Variants in SPAG16 observed in about 807,000 individuals in gnomAD.
SPAG16 encodes the protein sperm associated antigen 16, also known as sperm-associated antigen 16 protein.
In SPAG16, 86 loss-of-function variants were observed where a neutral mutation model predicts 80.4. The ratio of observed to expected loss-of-function variants is 1.07; its 90% confidence interval spans 0.90 to 1.28. The LOEUF (loss-of-function observed/expected upper bound fraction) is 1.28, where lower values mean the gene tolerates loss of function less well. Among genes scored for constraint, SPAG16 ranks in the 50% most tolerant of loss-of-function variants. The probability of loss-of-function intolerance (pLI) is 0.00; values close to 1 mark genes in which losing one functional copy is unlikely to be tolerated. For missense variants in SPAG16, 870 were observed against 765.3 expected, an observed-to-expected ratio of 1.14 and a Z score of -1.61; for synonymous variants, 294 against 265.9, an observed-to-expected ratio of 1.11 and a Z score of -1.03.
intron 5 of SPAG16, among the ~76,000 whole-genome samples, chr2:213,337,012 G>C (rs760094976): frequency 7.2e-5 from 11 of 152,176 alleles, no homozygotes; most frequent in Non-Finnish European, 1.0e-4. Flanking sequence ...AGCTTCCAGA[G>C]GAAGGAGCTG....
intron 13 of SPAG16, among the ~76,000 whole-genome samples, chr2:214,015,600 G>GGA (rs1553695583): frequency 6.9e-6 from 1 of 144,486 alleles, no homozygotes; most frequent in Non-Finnish European, 1.5e-5. Context: ...CTCCATCTCA[G>GGA]AAAAAAAAAA....
intron 15 of SPAG16, among the ~76,000 whole-genome samples, chr2:214,405,445 A>C (rs1313916700): frequency 6.6e-6 from 1 of 152,214 alleles, no homozygotes; most frequent in Non-Finnish European, 1.5e-5. Flanking sequence ...TTATGAAAGA[A>C]ATTCTAAAGC....
chr2:213,563,606 AC>A (rs2059664878), intron 10 of SPAG16, among the ~76,000 whole-genome samples: 2 of 152,106 alleles, frequency 1.3e-5, no homozygotes, highest in Admixed American at 1.3e-4. Flanking sequence ...TTGGTTCAGG[AC>A]CCCATCCTTA....
At chr2:213,437,527 TG>T (rs1438129393) in intron 9 of SPAG16, among the ~76,000 whole-genome samples, 4 of 152,234 alleles carry the variant, frequency 2.6e-5, no homozygotes, top group Admixed American at 1.3e-4. Flanking sequence ...GTAAGCTTTT[TG>T]TTCTCACTTA....
chr2:213,745,603 C>CT (rs1219178467), intron 10 of SPAG16, among the ~76,000 whole-genome samples: 1 of 152,106 alleles, frequency 6.6e-6, no homozygotes, highest in Non-Finnish European at 1.5e-5. Flanking sequence ...TATATTCATA[C>CT]TTTTAAGAAA....
chr2:213,486,703 G>A (rs2073992798), intron 9 of SPAG16, among the ~76,000 whole-genome samples: 1 of 151,774 alleles, frequency 6.6e-6, no homozygotes, highest in African/African-American at 2.4e-5. Context: ...TATGAAACTG[G>A]GATTCAGTAA....
At chr2:213,495,948 T>C (rs1174011855) in intron 10 of SPAG16, among the ~76,000 whole-genome samples, 1 of 152,196 alleles carries the variant, frequency 6.6e-6, no homozygotes, top group Non-Finnish European at 1.5e-5. Context: ...TCAAAGAGCC[T>C]GTGACTTAGG....
chr2:213,658,123 G>A (rs1412957198), intron 10 of SPAG16, among the ~76,000 whole-genome samples: 3 of 152,066 alleles, frequency 2.0e-5, no homozygotes, highest in Admixed American at 1.3e-4. Flanking sequence ...GAATAAAAAG[G>A]CCTCAAAACA....
chr2:214,029,766 A>G (rs2048319725), intron 13 of SPAG16, among the ~76,000 whole-genome samples: 1 of 152,146 alleles, frequency 6.6e-6, no homozygotes, highest in Admixed American at 6.6e-5. Context: ...CTCACAAAAC[A>G]AAAATAAATA....
intron 10 of SPAG16, among the ~76,000 whole-genome samples, chr2:213,693,531 C>T (rs1486219096): frequency 1.2e-4 from 19 of 152,164 alleles, no homozygotes; most frequent in Admixed American, 1.2e-3. Flanking sequence ...AACAAAAATA[C>T]ATGATGTAGC....
Position 213,416,172 on chromosome 2 carries a change from A to G in SPAG16, c.942+41053A>G, listed in dbSNP as rs2069242037. On this transcript the variant is annotated intron_variant, in intron 9 of 15. Coordinates refer to ENST00000331683, the MANE Select transcript of SPAG16 (RefSeq NM_024532.5). ...CTCTTGGCTGAATGGGGGCTGGGAA[A>G]GACTTGACATTCTCTCAGGAGTCTG... 2.0e-5 allele frequency among the ~76,000 whole-genome samples: 3 copies of G among 152,208 alleles called. No individual in the cohort carries two copies. In the South Asian group the frequency reaches 6.2e-4, roughly 31 times the overall value.
chr2:213,921,430 T>C (rs184519605), intron 11 of SPAG16, among the ~76,000 whole-genome samples: 15 of 152,304 alleles, frequency 9.8e-5, no homozygotes, highest in East Asian at 7.7e-4. Context: ...GATGTCATTG[T>C]ATGTGAGATG....
At position 214,235,487 on chromosome 2, in the gene SPAG16, C is replaced by T. The variant is rs371096237; in HGVS notation, c.1720+86221C>T. ...TAAATAAATATTGAACTTAACTTGT[C>T]CTTCGAGCATTGAGATGTCTTCCAC... On this transcript the variant is annotated intron_variant, in intron 15 of 15. Coordinates refer to ENST00000331683, the MANE Select transcript of SPAG16 (RefSeq NM_024532.5). 3.7e-4 allele frequency among the ~76,000 whole-genome samples: 56 copies of T among 152,168 alleles called. 1 individual carries two copies. In the South Asian group the frequency reaches 0.011, roughly 30 times the overall value.
intron 11 of SPAG16, among the ~76,000 whole-genome samples, chr2:213,903,271 T>C (rs10201961): frequency 0.97 from 148,105 of 152,276 alleles, 72,165 homozygotes; most frequent in East Asian, 1. Flanking sequence ...ACTGCCCTAG[T>C]AGAGGTTTTC....
At chr2:213,773,940 T>G (rs1281137588) in intron 10 of SPAG16, among the ~76,000 whole-genome samples, 1 of 152,202 alleles carries the variant, frequency 6.6e-6, no homozygotes, top group Non-Finnish European at 1.5e-5. Context: ...TTTCTTATAT[T>G]CATTATCATA....
chr2:213,889,790 A>T (rs907534795), intron 11 of SPAG16, among the ~76,000 whole-genome samples: 2 of 151,160 alleles, frequency 1.3e-5, no homozygotes, highest in Non-Finnish European at 3.0e-5. Context: ...CACATCTGAC[A>T]AGTTGAGAAA....
At position 214,191,759 on chromosome 2, in the gene SPAG16, T is replaced by C. The variant is rs554053577; in HGVS notation, c.1720+42493T>C. On this transcript the variant is annotated intron_variant, in intron 15 of 15. Transcript: ENST00000331683. Reference sequence around the variant, plus strand: ...AAAAAAAAAGGAAAAACCAGGATGCTGTGAACCAATCATAAAAAAGAGTTC... The same window carrying C: ...AAAAAAAAAGGAAAAACCAGGATGCCGTGAACCAATCATAAAAAAGAGTTC... Among the ~76,000 whole-genome samples, 42 of 149,180 alleles carry C rather than the reference T, an allele frequency of 2.8e-4. 2 individuals carry two copies. In the South Asian group the frequency reaches 3.0e-3, roughly 10 times the overall value.
chr2:214,269,943 C>A (rs1455250120), intron 15 of SPAG16, among the ~76,000 whole-genome samples: 4 of 136,430 alleles, frequency 2.9e-5, no homozygotes. Flanking sequence ...TGATCGAGAT[C>A]TTATAATGAA....
intron 15 of SPAG16, among the ~76,000 whole-genome samples, chr2:214,251,529 A>G (rs1576598745): frequency 6.6e-6 from 1 of 152,260 alleles, no homozygotes; most frequent in East Asian, 1.9e-4. Flanking sequence ...TTATGTGGTT[A>G]TATTTCATGT....
Sources: allele counts gnomAD v4.1 joint callset (sites outside exome capture counted in the v4.1 genomes callset), GRCh38; gene constraint gnomAD v4.1.1; transcripts MANE v1.5; gene names NCBI Gene and HGNC (gene_info 2026-07-23, HGNC 2026-07-21).